Variants in WWOX observed in about 807,000 individuals in gnomAD.
WWOX encodes WW domain-containing oxidoreductase.
Under a neutral mutation model 46.2 loss-of-function variants are expected in WWOX, and 69 were observed. That is an observed-to-expected ratio of 1.49 (90% CI 1.23 to 1.82). WWOX has a LOEUF of 1.82. Ranked by LOEUF, WWOX falls within the 40% of genes most tolerant of loss-of-function variation. The probability of loss-of-function intolerance (pLI) is 0.00; values close to 1 mark genes in which losing one functional copy is unlikely to be tolerated. For synonymous variants in WWOX, 359 were observed against 202.6 expected (o/e 1.77, Z -6.56); for missense variants, 919 against 542.6 (o/e 1.69, Z -6.89).
intron 8 of WWOX, among the ~76,000 whole-genome samples, chr16:78,762,330 A>C (rs538356623): frequency 6.6e-6 from 1 of 152,308 alleles, no homozygotes; most frequent in African/African-American, 2.4e-5. Context: ...CTGGAGGTAC[A>C]GAATCTCAGG....
chr16:79,049,560 G>A (rs2048127717), intron 8 of WWOX, among the ~76,000 whole-genome samples: 1 of 152,160 alleles, frequency 6.6e-6, no homozygotes, highest in Non-Finnish European at 1.5e-5. Flanking sequence ...CTGAGTGGCA[G>A]GGCGCAGTAG....
intron 8 of WWOX, among the ~76,000 whole-genome samples, chr16:79,188,768 C>T (rs1373548565): frequency 6.6e-6 from 1 of 152,204 alleles, no homozygotes; most frequent in Non-Finnish European, 1.5e-5. Context: ...TCGAAATCCA[C>T]ATTCTTCCCT....
At chr16:78,756,309 T>G (rs994718283) in intron 8 of WWOX, among the ~76,000 whole-genome samples, 2 of 151,626 alleles carry the variant, frequency 1.3e-5, no homozygotes, top group African/African-American at 2.4e-5. Context: ...TTATCTAATG[T>G]GTATTTGAAA....
In WWOX at chr16:78,323,728, A is replaced by C. The variant is rs139012179; in HGVS notation, c.517-63132A>C. Among the ~76,000 whole-genome samples, 1,290 of 152,294 alleles carry C rather than the reference A, an allele frequency of 8.5e-3. 10 individuals carry two copies. Among genetic ancestry groups the C allele is most frequent in the Non-Finnish European group, 0.013 (892 of 68,026 alleles). On this transcript the variant is annotated intron_variant, in intron 5 of 8. Transcript: ENST00000566780. The stretch of plus-strand genomic sequence containing the variant: ...AATCAGGAAAACATGTTTCTATTCT[A>C]AATGTTCTTTGATAAATAAGATTGC...
intron 8 of WWOX, among the ~76,000 whole-genome samples, chr16:78,846,206 G>A (rs536825276): frequency 9.2e-5 from 14 of 152,310 alleles, no homozygotes; most frequent in African/African-American, 3.4e-4. Flanking sequence ...GATTTCCCAT[G>A]TACTCTTCAC....
intron 8 of WWOX, among the ~76,000 whole-genome samples, chr16:79,020,226 C>A (rs1233559896): frequency 6.6e-6 from 1 of 152,172 alleles, no homozygotes; most frequent in African/African-American, 2.4e-5. Flanking sequence ...CATTGAGAGA[C>A]ATAAGGATGC....
intron 8 of WWOX, among the ~76,000 whole-genome samples, chr16:78,632,099 A>G (rs2046446793): frequency 6.6e-6 from 1 of 152,206 alleles, no homozygotes; most frequent in South Asian, 2.1e-4. Context: ...GCAAATTCGC[A>G]AGGAGCTGCT....
At chr16:78,355,997 C>G (rs1428986650) in intron 5 of WWOX, among the ~76,000 whole-genome samples, 2 of 144,814 alleles carry the variant, frequency 1.4e-5, no homozygotes, top group Non-Finnish European at 3.0e-5. Flanking sequence ...TAATTCACAA[C>G]TTCTTAAGCT....
At chr16:78,477,698 G>T (rs888698740) in intron 8 of WWOX, among the ~76,000 whole-genome samples, 1 of 151,960 alleles carries the variant, frequency 6.6e-6, no homozygotes, top group African/African-American at 2.4e-5. Flanking sequence ...ATGGCAATTA[G>T]GAAAGATAAT....
chr16:78,644,641 T>G (rs763331645), intron 8 of WWOX, among the ~76,000 whole-genome samples: 22 of 152,122 alleles, frequency 1.4e-4, no homozygotes, highest in Non-Finnish European at 2.9e-4. Flanking sequence ...TTTTGTACTT[T>G]TAGTAGAGAT....
chr16:78,742,884 C>G (rs1340736116), intron 8 of WWOX, among the ~76,000 whole-genome samples: 11 of 152,042 alleles, frequency 7.2e-5, no homozygotes, highest in Admixed American at 7.2e-4. Context: ...AGTGTAGGGT[C>G]TGGTCAAGGA....
chr16:78,978,821 C>G (rs1413784064), intron 8 of WWOX, among the ~76,000 whole-genome samples: 1 of 152,162 alleles, frequency 6.6e-6, no homozygotes, highest in African/African-American at 2.4e-5. Context: ...CCTCATGACT[C>G]AGTCACCTCC....
rs556332542 is a variant in WWOX at position 79,161,251 on chromosome 16, C to T, written c.1057-50357C>T. Among the ~76,000 whole-genome samples, 7 of 152,244 alleles carry T rather than the reference C, an allele frequency of 4.6e-5. No homozygotes were observed. In the East Asian group the frequency reaches 7.7e-4, roughly 17 times the overall value. ...AGGCAAGTGAAGGTGGTTTCAAATC[C>T]TCCCTCTGTCTTTTCCCAGCTAAAT... is the stretch of plus-strand genomic sequence containing the variant. On this transcript the variant is annotated intron_variant, in intron 8 of 8. Transcript: ENST00000566780.
At chr16:78,888,959 T>G (rs1373327129) in intron 8 of WWOX, among the ~76,000 whole-genome samples, 1 of 152,048 alleles carries the variant, frequency 6.6e-6, no homozygotes, top group African/African-American at 2.4e-5. Context: ...CTCCCCCTGA[T>G]GCCCTTAGAA....
intron 8 of WWOX, among the ~76,000 whole-genome samples, chr16:78,806,405 G>A (rs1171692086): frequency 6.6e-6 from 1 of 152,160 alleles, no homozygotes; most frequent in Non-Finnish European, 1.5e-5. Context: ...ATTTTGTTCA[G>A]GAATCTGTAG....
chr16:78,365,352 G>C (rs2081511068), intron 5 of WWOX, among the ~76,000 whole-genome samples: 1 of 152,090 alleles, frequency 6.6e-6, no homozygotes, highest in African/African-American at 2.4e-5. Context: ...TTTTTTACTT[G>C]CTGGATAGTG....
At chr16:79,077,051 G>C (rs968043793) in intron 8 of WWOX, among the ~76,000 whole-genome samples, 2 of 152,084 alleles carry the variant, frequency 1.3e-5, no homozygotes, top group African/African-American at 2.4e-5. Context: ...AATTCCCTAA[G>C]GTTCCACGTA....
intron 8 of WWOX, among the ~76,000 whole-genome samples, chr16:78,915,491 G>A (rs943752812): frequency 6.6e-6 from 1 of 152,118 alleles, no homozygotes; most frequent in African/African-American, 2.4e-5. Flanking sequence ...GCTGGCCAAT[G>A]AGCCTACACA....
At chr16:78,462,058 T>A (rs1215788304) in intron 8 of WWOX, among the ~76,000 whole-genome samples, 1 of 152,230 alleles carries the variant, frequency 6.6e-6, no homozygotes, top group Non-Finnish European at 1.5e-5. Context: ...ATATGCACAT[T>A]ATGAACTTTT....
Sources: gnomAD v4.1 joint callset for allele counts (sites outside exome capture counted in the v4.1 genomes callset) on GRCh38, gnomAD v4.1.1 for gene constraint, MANE v1.5 for transcripts, NCBI Gene and HGNC (gene_info 2026-07-23, HGNC 2026-07-21) for gene names.